CUL4B: variants seen among roughly 807,000 people sequenced by gnomAD.
The protein encoded by CUL4B is cullin 4B, also known as cullin-4B.
CUL4B carries 1 observed loss-of-function variant against 69.2 expected under a neutral mutation model. The ratio of observed to expected loss-of-function variants is 0.01; its 90% CI spans 0.01 to 0.07. CUL4B has a LOEUF of 0.07. Ranked by LOEUF, CUL4B falls within the 10% of genes least tolerant of loss-of-function variation. The pLI, the probability that CUL4B is intolerant of heterozygous loss-of-function variation, is 1.00. For synonymous variants in CUL4B, 237 were observed against 223.2 expected, an observed-to-expected ratio of 1.06 and a Z score of -0.55; for missense variants, 328 against 638.8, an observed-to-expected ratio of 0.51 and a Z score of 5.24.
At chrX:120,534,453 T>C (rs375855167) in intron 17 of CUL4B, 28 bp downstream of exon 17, 11 of 934,790 alleles carry the variant, frequency 1.2e-5, no homozygotes, top group African/African-American at 1.2e-4. Context: ...GGTGTGCACA[T>C]AGTGAACAAT....
At chrX:120,562,612 A>G (rs1272683870), upstream of CUL4B, among the ~76,000 whole-genome samples, 1 of 112,204 alleles carries the variant, frequency 8.9e-6, no homozygotes, top group African/African-American at 3.2e-5. Flanking sequence ...AATCTGGAAT[A>G]GGAAGAGTTC....
In CUL4B at chrX:120,529,972, C is replaced by T. The variant is rs1923212605; in HGVS notation, c.2592+130G>A. 1.1e-5 allele frequency: 7 copies of T among 666,426 alleles called. No homozygotes were observed. The South Asian group carries it at 2.1e-4, about 20-fold the overall frequency. 54.9% of individuals were successfully genotyped at this position (666,426 alleles called of 1,213,427 possible). ...TTTTTTTGGAAATCATATGCATCAA[C>T]ATGGGAAATTAAAACTTTTCTCTCT... On this transcript the variant is annotated intron_variant, in intron 19 of 19. Coordinates refer to ENST00000371322, the MANE Select transcript of CUL4B (RefSeq NM_001079872.2).
chrX:120,539,443 A>G, intron 11 of CUL4B, 71 bp from the exon 12 acceptor site: 2 of 564,600 alleles, frequency 3.5e-6, no homozygotes. Flanking sequence ...ATATATACCC[A>G]AAGAGGAGTA....
In CUL4B at chrX:120,560,199, G is replaced by A. The variant is rs1193428618; in HGVS notation, c.440C>T (p.Ser147Phe). ...QQLKNKSILI[S>F]SVASVHHANG... is the part of the protein sequence containing the mutation. ...TGCATGATGCACCGAAGCCACAGAA[G>A]AGATTAATATACTCTTATTTTTAAG... The change falls in exon 1 of 20, where the codon TCT becomes TTT. Residue 147 changes from serine (S) to phenylalanine (F), a missense_variant. By Grantham distance (155) the Ser-to-Phe change is radical (BLOSUM62 -2). Around this residue, in one of 4 missense-constraint regions of CUL4B, gnomAD observed 102 missense variants for 122.1 expected, o/e 0.84. Transcript: ENST00000371322. 1.7e-6 allele frequency: 2 copies of A among 1,211,706 alleles called. No individual in the cohort carries two copies. Among genetic ancestry groups the A allele is most frequent in the Non-Finnish European group, 1.1e-6 (1 of 895,391 alleles).
At chrX:120,533,422 C>T (rs1923447383) in intron 17 of CUL4B, among the ~76,000 whole-genome samples, 1 of 112,010 alleles carries the variant, frequency 8.9e-6, no homozygotes, top group Non-Finnish European at 1.9e-5. Context: ...TCAGGCCCTA[C>T]TCATCTTACC....
chrX:120,567,018 C>A (rs891313642), downstream of CUL4B, among the ~76,000 whole-genome samples: 2 of 111,007 alleles, frequency 1.8e-5, no homozygotes, highest in Admixed American at 1.9e-4. Flanking sequence ...ATTCTGTTTA[C>A]TTTATCGATG....
At chrX:120,558,112 T>C (rs1337174901) in intron 1 of CUL4B, 73 bp from the exon 2 acceptor site, 4 of 594,837 alleles carry the variant, frequency 6.7e-6, no homozygotes, top group Non-Finnish European at 8.4e-6. Context: ...TAAAATATAA[T>C]AGCATTACTA....
chrX:120,523,863 A>C lies in CUL4B; in HGVS notation c.*2898T>G. ...ACAAAGCATAATTATGCAAATTTTC[A>C]TCAGTACTGCTCTTTTCTTTTTAAT... On this transcript the variant is annotated 3_prime_UTR_variant, in exon 20 of 20. Coordinates refer to ENST00000371322, the MANE Select transcript of CUL4B (RefSeq NM_001079872.2). 9.0e-6 allele frequency among the ~76,000 whole-genome samples: 1 copy of C among 111,578 alleles called. No individual in the cohort carries two copies. Among genetic ancestry groups the C allele is most frequent in the African/African-American group, 3.2e-5 (1 of 30,808 alleles).
At chrX:120,551,956 TAAG>T (rs1924713958) in intron 2 of CUL4B, among the ~76,000 whole-genome samples, 2 of 111,746 alleles carry the variant, frequency 1.8e-5, no homozygotes, top group Non-Finnish European at 3.8e-5. Context: ...GAAACAGGAA[TAAG>T]AAGGTGTTTG....
chrX:120,560,261 TGAGGAG>T lies in CUL4B; in HGVS notation c.372_377del (p.Ser127_Ser128del), dbSNP rs754330779. The T allele has an allele frequency of 4.1e-6, 5 of 1,209,898 alleles. No homozygotes were observed. The highest frequency in any genetic ancestry group is 4.4e-5 in the Admixed American group (2 of 45,918). On this transcript the variant is annotated inframe_deletion, in exon 1 of 20. Transcript: ENST00000371322. ...GAGATGTTGCAGCAGTTGGTGAAGA[TGAGGAG>T]GAGGAGGAGGAGGATTCCTCAGCCA...
chrX:120,540,465 A>G lies in CUL4B; in HGVS notation c.1541T>C (p.Ile514Thr). The G allele has an allele frequency of 1.7e-6, 2 of 1,192,562 alleles. No homozygotes were observed. Among genetic ancestry groups the G allele is most frequent in the Non-Finnish European group, 2.3e-6 (2 of 878,278 alleles). The change falls in exon 11 of 20, where the codon ATC becomes ACC. Residue 514 changes from isoleucine (I) to threonine (T), a missense_variant. This residue lies in a region of CUL4B where 98 missense variants were observed against 296.8 expected (regional missense o/e 0.33). Coordinates refer to ENST00000371322, the MANE Select transcript of CUL4B (RefSeq NM_001079872.2). ...AAATTTCTCATTCTTCAGAAAGCAG[A>G]TATCAATTATATGGTCAACCTTATC... Reference protein sequence around the residue: ...FKDKVDHIIDICFLKNEKFIN... With the variant: ...FKDKVDHIIDTCFLKNEKFIN...
chrX:120,542,419 A>G (rs1054830097), intron 9 of CUL4B, among the ~76,000 whole-genome samples: 1 of 111,504 alleles, frequency 9.0e-6, no homozygotes, highest in Non-Finnish European at 1.9e-5. Context: ...ATTGGGGAGA[A>G]AGGTAAGGCT....
At chrX:120,561,205 T>A, upstream of CUL4B, 2 of 584,292 alleles carry the variant, frequency 3.4e-6, no homozygotes, top group Non-Finnish European at 5.3e-6. Flanking sequence ...AGGGGGCGGC[T>A]GGAAAGGGGC....
chrX:120,544,188 A>G lies in CUL4B; in HGVS notation c.1099T>C (p.Phe367Leu). 1 of 1,196,906 alleles carries G rather than the reference A, an allele frequency of 8.4e-7. No homozygotes were observed. Among genetic ancestry groups the G allele is most frequent in the Non-Finnish European group, 1.1e-6 (1 of 882,262 alleles). Residue 367 changes from phenylalanine to leucine, a missense_variant, in exon 7 of 20, where the codon TTT (phenylalanine) becomes CTT (leucine). Physicochemically the swap from Phe to Leu is conservative, Grantham distance 22. This residue lies in a region of CUL4B where 126 missense variants were observed against 202.5 expected (regional missense o/e 0.62). Coordinates refer to ENST00000371322, the MANE Select transcript of CUL4B (RefSeq NM_001079872.2). The part of the protein sequence containing the change: ...LSDLQIYQDS[F>L]EQRFLEETNR... The stretch of plus-strand genomic sequence containing the variant: ...GTTTCTTCCAAAAATCGTTGTTCAA[A>G]AGAATCTTGATAAATCTGGAGGGGG...
intron 18 of CUL4B, among the ~76,000 whole-genome samples, chrX:120,530,883 T>C (rs1247125877): frequency 8.9e-6 from 1 of 112,107 alleles, no homozygotes; most frequent in Non-Finnish European, 1.9e-5. Flanking sequence ...AAAAAACAGT[T>C]TGGCCTTTTT....
chrX:120,542,610 T>C (rs1480719699), intron 9 of CUL4B, among the ~76,000 whole-genome samples: 1 of 111,889 alleles, frequency 8.9e-6, no homozygotes, highest in Non-Finnish European at 1.9e-5. Flanking sequence ...CCACTTTTTT[T>C]CTTTTATTTT....
intron 2 of CUL4B, among the ~76,000 whole-genome samples, 178 bp downstream of exon 2, chrX:120,557,746 G>A (rs1690759483): frequency 9.0e-6 from 1 of 111,659 alleles, no homozygotes; most frequent in African/African-American, 3.3e-5. Flanking sequence ...TGGTATGACT[G>A]TACCCATGGT....
intron 1 of CUL4B, among the ~76,000 whole-genome samples, chrX:120,574,804 C>G (rs1925821691): frequency 8.9e-6 from 1 of 112,185 alleles, no homozygotes; most frequent in Non-Finnish European, 1.9e-5. Context: ...CTAACCCTTG[C>G]AATTTTAGTG....
At chrX:120,549,878 G>A (rs749885489) in intron 2 of CUL4B, among the ~76,000 whole-genome samples, 2 of 111,425 alleles carry the variant, frequency 1.8e-5, no homozygotes, top group African/African-American at 6.5e-5. Context: ...ATTTCTTATC[G>A]CTTTGCTTAG....
Sources: allele counts gnomAD v4.1 joint callset (sites outside exome capture counted in the v4.1 genomes callset), GRCh38; gene constraint gnomAD v4.1.1; regional missense constraint gnomAD v4.1.1; transcripts MANE v1.5; gene names NCBI Gene and HGNC (gene_info 2026-07-23, HGNC 2026-07-21).